NECTIN1: variants seen among roughly 807,000 people sequenced by gnomAD.
The protein encoded by NECTIN1 is nectin cell adhesion molecule 1, also known as nectin-1.
NECTIN1 carries 23 observed loss-of-function variants against 48.0 expected under a neutral mutation model. The observed-to-expected ratio is 0.48, with a 90% CI of 0.34 to 0.68. The LOEUF is 0.68. Ranked by LOEUF, NECTIN1 falls within the 30% of genes least tolerant of loss-of-function variation. The probability of loss-of-function intolerance (pLI) is 0.01; values close to 1 mark genes in which losing one functional copy is unlikely to be tolerated. For synonymous variants in NECTIN1, 270 were observed against 288.9 expected (o/e 0.93, Z 0.66); for missense variants, 591 against 709.9 (o/e 0.83, Z 1.90).
intron 1 of NECTIN1, among the ~76,000 whole-genome samples, chr11:119,688,188 A>G (rs1445699690): frequency 6.6e-6 from 1 of 152,178 alleles, no homozygotes; most frequent in Admixed American, 6.5e-5. Context: ...TAATAGTACT[A>G]TCTCCTAGGG....
chr11:119,640,145 T>A (rs1864303367), intron 5 of NECTIN1: 1 of 993,806 alleles, frequency 1.0e-6, no homozygotes, highest in African/African-American at 1.6e-5. Flanking sequence ...CCCCTCCCCA[T>A]GGTGCTCCAG....
chr11:119,669,710 C>A (rs1176842651), intron 5 of NECTIN1, among the ~76,000 whole-genome samples: 1 of 152,172 alleles, frequency 6.6e-6, no homozygotes, highest in African/African-American at 2.4e-5. Context: ...CGCTTTCCTG[C>A]AGGCTTGCCC....
chr11:119,722,573 G>A (rs1221759221), intron 1 of NECTIN1, among the ~76,000 whole-genome samples: 2 of 152,238 alleles, frequency 1.3e-5, no homozygotes, highest in African/African-American at 4.8e-5. Flanking sequence ...TGCCGGGAGA[G>A]CCCTCAGTGA....
Position 119,661,137 on chromosome 11 carries a change from G to A in NECTIN1, c.*3610C>T. 1 of 985,814 alleles carries A rather than the reference G, an allele frequency of 1.0e-6. No individual in the cohort carries two copies. The highest frequency in any genetic ancestry group is 1.2e-6 in the Non-Finnish European group (1 of 829,928). 61.1% of individuals were successfully genotyped at this position (985,814 alleles called of 1,614,324 possible). On this transcript the variant is annotated 3_prime_UTR_variant, in exon 6 of 6. Coordinates refer to ENST00000264025, the MANE Select transcript of NECTIN1 (RefSeq NM_002855.5). ...CAGGAGGATCTGCTGGGCTGTCCCT[G>A]GACCAAAGGCGGAAAGGGCGACAAG...
intron 1 of NECTIN1, among the ~76,000 whole-genome samples, chr11:119,682,099 G>T (rs543879125): frequency 2.6e-5 from 4 of 152,278 alleles, no homozygotes; most frequent in African/African-American, 9.6e-5. Flanking sequence ...CCCAAGCCTC[G>T]TATTAGGGGC....
intron 1 of NECTIN1, among the ~76,000 whole-genome samples, chr11:119,686,646 CT>C (rs1191754881): frequency 6.6e-6 from 1 of 152,230 alleles, no homozygotes; most frequent in African/African-American, 2.4e-5. Context: ...CCTTGCCACA[CT>C]TAACAATCCG....
chr11:119,677,531 C>A lies in NECTIN1; in HGVS notation c.733+24G>T. ...GGACAGTGGCGCCCACCCCAGGAGGCCCCTGGCAGCCAGCCCTGCTCACAC... is the reference window on the plus strand; with the variant it reads ...GGACAGTGGCGCCCACCCCAGGAGGACCCTGGCAGCCAGCCCTGCTCACAC... On this transcript the variant is annotated intron_variant, in intron 3 of 5. Transcript: ENST00000264025. This position sits in a 1 kb window ranked among gnomAD's most constrained non-coding sequence, Gnocchi z 5.4. The A allele has an allele frequency of 6.2e-7, 1 of 1,612,016 alleles. No individual in the cohort carries two copies. Among genetic ancestry groups the A allele is most frequent in the Non-Finnish European group, 8.5e-7 (1 of 1,179,726 alleles).
rs928469698 is a variant in NECTIN1 at position 119,672,472 on chromosome 11, C to T, written c.1003+2687G>A. ...AAAGGGGTTCTCTGGGGCCTGTGCC[C>T]ACGGAAGCACACACAGATTCTGTCC... On this transcript the variant is annotated intron_variant, in intron 5 of 5. Transcript: ENST00000264025. This position sits in a 1 kb window ranked among gnomAD's most constrained non-coding sequence, Gnocchi z 4.3. Among the ~76,000 whole-genome samples the T allele has an allele frequency of 9.2e-5, 14 of 152,320 alleles. No individual in the cohort carries two copies. Among genetic ancestry groups the T allele is most frequent in the African/African-American group, 3.4e-4 (14 of 41,570 alleles).
intron 5 of NECTIN1, chr11:119,674,471 C>G: frequency 6.2e-7 from 1 of 1,605,870 alleles, no homozygotes; most frequent in Non-Finnish European, 8.5e-7. Flanking sequence ...ATTCTGACAA[C>G]AGCCCTTCAA....
In NECTIN1 at chr11:119,661,955, CTG is replaced by C. The variant is rs1046342868; in HGVS notation, c.*2790_*2791del. ...ACTTGCAGGCCTGTGTTCACCTACT[CTG>C]TGCTGCTGCTTTTCAGACCCTTCTG... is the stretch of plus-strand genomic sequence containing the variant. On this transcript the variant is annotated 3_prime_UTR_variant, in exon 6 of 6. Coordinates refer to ENST00000264025, the MANE Select transcript of NECTIN1 (RefSeq NM_002855.5). 3.0e-6 allele frequency: 3 copies of C among 985,254 alleles called. No homozygotes were observed. The African/African-American group carries it at 5.2e-5, about 17-fold the overall frequency. The allele number at this position is 985,254 out of a possible 1,614,324, so 61.0% of individuals were successfully genotyped here.
chr11:119,685,063 C>T (rs975067501), intron 1 of NECTIN1, among the ~76,000 whole-genome samples: 3 of 152,214 alleles, frequency 2.0e-5, no homozygotes, highest in Non-Finnish European at 2.9e-5. Context: ...CCTGGGGCTG[C>T]GCACAGTCTG....
chr11:119,705,960 G>A (rs1865541782), intron 1 of NECTIN1, among the ~76,000 whole-genome samples: 1 of 147,930 alleles, frequency 6.8e-6, no homozygotes, highest in African/African-American at 2.7e-5. Context: ...AGGGAGGCGG[G>A]GAGGGGCGGG....
At chr11:119,644,395 C>T (rs576979020) in intron 5 of NECTIN1, among the ~76,000 whole-genome samples, 12 of 152,300 alleles carry the variant, frequency 7.9e-5, no homozygotes, top group African/African-American at 2.9e-4. Context: ...CCTGCTTCTC[C>T]CGACCACCCC....
chr11:119,689,642 A>G (rs1208436632), intron 1 of NECTIN1, among the ~76,000 whole-genome samples: 1 of 152,238 alleles, frequency 6.6e-6, no homozygotes, highest in Non-Finnish European at 1.5e-5. Flanking sequence ...CATTCCAAAC[A>G]GGCAGCAGGG....
At chr11:119,720,485 C>A (rs1420945541) in intron 1 of NECTIN1, among the ~76,000 whole-genome samples, 1 of 152,284 alleles carries the variant, frequency 6.6e-6, no homozygotes, top group Non-Finnish European at 1.5e-5. Context: ...TGGCAGGCAC[C>A]TGCGAAAGCG....
At chr11:119,717,340 T>C (rs1865759000) in intron 1 of NECTIN1, among the ~76,000 whole-genome samples, 1 of 152,222 alleles carries the variant, frequency 6.6e-6, no homozygotes, top group Non-Finnish European at 1.5e-5. Flanking sequence ...CAGAGTGCTC[T>C]GCCGGCCCAG....
intron 5 of NECTIN1, among the ~76,000 whole-genome samples, chr11:119,668,822 T>C (rs945616687): frequency 6.6e-6 from 1 of 152,216 alleles, no homozygotes; most frequent in African/African-American, 2.4e-5. Flanking sequence ...AGTTTTCAAA[T>C]GGCTAAAGTT....
chr11:119,720,864 G>A (rs541115230), intron 1 of NECTIN1, among the ~76,000 whole-genome samples: 3 of 152,178 alleles, frequency 2.0e-5, no homozygotes, highest in Admixed American at 1.3e-4. Context: ...CAAGGAACGC[G>A]AGCTGGGGAG....
intron 1 of NECTIN1, among the ~76,000 whole-genome samples, chr11:119,689,587 G>A (rs1026441530): frequency 1.3e-5 from 2 of 152,238 alleles, no homozygotes; most frequent in African/African-American, 2.4e-5. Context: ...GGGGCAATGA[G>A]GAGAAGGCAA....
Sources: gnomAD v4.1 joint callset for allele counts (sites outside exome capture counted in the v4.1 genomes callset) on GRCh38, gnomAD v4.1.1 for gene constraint, Gnocchi (gnomAD v3.1) non-coding constraint, MANE v1.5 for transcripts, NCBI Gene and HGNC (gene_info 2026-07-23, HGNC 2026-07-21) for gene names.